ARID1A: variants seen among roughly 807,000 people sequenced by gnomAD.
ARID1A encodes AT-rich interaction domain 1A.
ARID1A carries 20 observed loss-of-function variants against 212.6 expected under a neutral mutation model. The observed-to-expected ratio is 0.09, with a 90% CI of 0.07 to 0.14. ARID1A has a LOEUF of 0.14. Among genes scored for constraint, ARID1A ranks in the 10% least tolerant of loss-of-function variants. ARID1A has a pLI of 1.00. For synonymous variants in ARID1A, 1,376 were observed against 1,222.1 expected, an observed-to-expected ratio of 1.13 and a Z score of -2.63; for missense variants, 2,587 against 3,059.0, an observed-to-expected ratio of 0.85 and a Z score of 3.64.
chr1:26,743,483 G>C (rs141958345), intron 4 of ARID1A, among the ~76,000 whole-genome samples: 1 of 152,008 alleles, frequency 6.6e-6, no homozygotes, highest in African/African-American at 2.4e-5. Flanking sequence ...GGGAGCTGAC[G>C]TTTTGTTGTT....
At chr1:26,720,218 C>T (rs914180261) in intron 1 of ARID1A, among the ~76,000 whole-genome samples, 1 of 151,344 alleles carries the variant, frequency 6.6e-6, no homozygotes, top group African/African-American at 2.4e-5. Context: ...GCACTGCACT[C>T]CAGCCTGGTG....
intron 4 of ARID1A, among the ~76,000 whole-genome samples, chr1:26,759,060 C>T (rs1221182049): frequency 6.7e-6 from 1 of 149,890 alleles, no homozygotes; most frequent in Non-Finnish European, 1.5e-5. Flanking sequence ...CCAGTGTTAA[C>T]TGTCAGATCT....
chr1:26,696,195 C>T lies in ARID1A; in HGVS notation c.-209C>T. 1 of 667,616 alleles carries T rather than the reference C, an allele frequency of 1.5e-6. No homozygotes were observed. The highest frequency in any genetic ancestry group is 2.0e-6 in the Non-Finnish European group (1 of 498,236). 41.4% of individuals were successfully genotyped at this position (667,616 alleles called of 1,614,324 possible). A position where few individuals can be genotyped will look rare whatever the true frequency, so the allele number is the denominator to read the frequency against. On this transcript the variant is annotated 5_prime_UTR_variant, in exon 1 of 20. Coordinates refer to ENST00000324856, the MANE Select transcript of ARID1A (RefSeq NM_006015.6). ...GCCGGCGCCTCGGCCGCCGCCGCCG[C>T]CTCCTCCTCCTCCGCCGCCGCCAGC...
At chr1:26,742,953 G>T (rs1307868058) in intron 4 of ARID1A, among the ~76,000 whole-genome samples, 1 of 152,176 alleles carries the variant, frequency 6.6e-6, no homozygotes, top group Non-Finnish European at 1.5e-5. Context: ...CTATGTGACA[G>T]AGCGAGACTG....
intron 4 of ARID1A, among the ~76,000 whole-genome samples, chr1:26,751,250 G>A (rs902787829): frequency 8.6e-5 from 13 of 151,222 alleles, no homozygotes; most frequent in Non-Finnish European, 1.2e-4. Context: ...GCAAAACTCC[G>A]TCTAAAAAAA....
In ARID1A at chr1:26,697,338, C is replaced by T. The variant is rs1159736980; in HGVS notation, c.935C>T (p.Pro312Leu). The T allele has an allele frequency of 3.8e-6, 5 of 1,331,872 alleles. No homozygotes were observed. The South Asian group carries it at 1.0e-4, about 27-fold the overall frequency. The allele number at this position is 1,331,872 out of a possible 1,614,324, so 82.5% of individuals were successfully genotyped here. Reference sequence around the variant, plus strand: ...TCGGCCCGGGGCTACCAGGGCTACCCCGGGGGCGACTACAGTGGCGGGCCC... The same window carrying T: ...TCGGCCCGGGGCTACCAGGGCTACCTCGGGGGCGACTACAGTGGCGGGCCC... ...PSSARGYQGYPGGDYSGGPQD... is the reference protein window; with the variant it reads ...PSSARGYQGYLGGDYSGGPQD... Residue 312 changes from proline (P) to leucine (L), a missense_variant, in exon 1 of 20, where the codon CCC (proline) becomes CTC (leucine). Coordinates refer to ENST00000324856, the MANE Select transcript of ARID1A (RefSeq NM_006015.6).
chr1:26,709,626 CTTTTTTTTTTTT>C (rs57532083), intron 1 of ARID1A, among the ~76,000 whole-genome samples: 2 of 118,504 alleles, frequency 1.7e-5, no homozygotes, highest in South Asian at 2.9e-4. Context: ...TACTGTAATG[CTTTTTTTTTTTT>C]TTTTTTTTTA....
At chr1:26,772,329 A>G (rs2081089607) in intron 12 of ARID1A, 171 bp from the exon 13 acceptor site, 3 of 930,074 alleles carry the variant, frequency 3.2e-6, no homozygotes, top group South Asian at 3.6e-5. Context: ...AAACCCTCAG[A>G]TTCCCGTCTT....
In ARID1A at chr1:26,696,180, C is replaced by A; in HGVS notation, c.-224C>A. 1.6e-6 allele frequency: 1 copy of A among 614,490 alleles called. No homozygotes were observed. Among genetic ancestry groups the A allele is most frequent in the Non-Finnish European group, 2.2e-6 (1 of 452,142 alleles). 38.1% of individuals were successfully genotyped at this position (614,490 alleles called of 1,614,324 possible). On this transcript the variant is annotated 5_prime_UTR_variant, in exon 1 of 20. Transcript: ENST00000324856. ...GGGAGCAGCTGAGCCGCCGGCGCCT[C>A]GGCCGCCGCCGCCGCCTCCTCCTCC...
intron 1 of ARID1A, among the ~76,000 whole-genome samples, chr1:26,718,267 A>G (rs1327160387): frequency 6.6e-6 from 1 of 152,070 alleles, no homozygotes; most frequent in Non-Finnish European, 1.5e-5. Context: ...GAGCCACCGC[A>G]CCCAGCCGTT....
chr1:26,742,257 G>A (rs1482184523), intron 4 of ARID1A, among the ~76,000 whole-genome samples: 3 of 152,230 alleles, frequency 2.0e-5, no homozygotes, highest in African/African-American at 7.2e-5. Flanking sequence ...AGACATCCCT[G>A]TGATGGAGGC....
chr1:26,705,086 A>G (rs1362136649), intron 1 of ARID1A, among the ~76,000 whole-genome samples: 2 of 151,928 alleles, frequency 1.3e-5, no homozygotes, highest in African/African-American at 2.4e-5. Flanking sequence ...GGCCACTGTA[A>G]TGCTTCTACC....
chr1:26,748,983 T>C (rs2080861862), intron 4 of ARID1A, among the ~76,000 whole-genome samples: 1 of 151,912 alleles, frequency 6.6e-6, no homozygotes, highest in African/African-American at 2.4e-5. Flanking sequence ...GCTAACACGG[T>C]GAAACCTCAT....
rs1433839740 is a variant in ARID1A, at chr1:26,774,494, C to A, written c.4267C>A (p.Pro1423Thr). The stretch of plus-strand genomic sequence containing the variant: ...CCAGCAACAAGCTGCCCAGCCTTCC[C>A]CTCAGCAAGATGTATACAACCAGTA... ...ASQQQAAQPSPQQDVYNQYGN... is the reference protein window; with the variant it reads ...ASQQQAAQPSTQQDVYNQYGN... The change falls in exon 18 of 20, where the codon CCT becomes ACT. Residue 1423 changes from proline (P) to threonine (T), a missense_variant. Pro to Thr is a conservative substitution (Grantham distance 38). Around this residue, in one of 11 missense-constraint regions of ARID1A, gnomAD observed 890 missense variants for 1,098.2 expected, o/e 0.81. Transcript: ENST00000324856. The surrounding 1 kb of genome is among the most constrained non-coding windows in gnomAD (Gnocchi z 5.6). 6.2e-7 allele frequency: 1 copy of A among 1,613,630 alleles called. No homozygotes were observed. Among genetic ancestry groups the A allele is most frequent in the Non-Finnish European group, 8.5e-7 (1 of 1,179,706 alleles).
intron 4 of ARID1A, among the ~76,000 whole-genome samples, chr1:26,747,799 A>G (rs1299177750): frequency 6.6e-6 from 1 of 152,126 alleles, no homozygotes; most frequent in East Asian, 1.9e-4. Flanking sequence ...GCATTGAGCT[A>G]TGCTTGCACG....
At chr1:26,741,275 A>G (rs2080786424) in intron 4 of ARID1A, among the ~76,000 whole-genome samples, 2 of 152,226 alleles carry the variant, frequency 1.3e-5, no homozygotes. Context: ...ACGAAGTCAA[A>G]TTTATATTTC....
At chr1:26,743,388 A>G (rs917715717) in intron 4 of ARID1A, among the ~76,000 whole-genome samples, 3 of 152,044 alleles carry the variant, frequency 2.0e-5, no homozygotes, top group Admixed American at 1.3e-4. Flanking sequence ...TGTATCTGAC[A>G]TCTGTCATGT....
At chr1:26,730,682 G>T (rs1007843909) in intron 2 of ARID1A, among the ~76,000 whole-genome samples, 4 of 151,656 alleles carry the variant, frequency 2.6e-5, no homozygotes, top group African/African-American at 9.7e-5. Context: ...TATTTTTTTT[G>T]AATGAAAACT....
rs2080245746 is a variant in ARID1A at position 26,696,045 on chromosome 1, T to C, written c.-359T>C. 4.2e-6 allele frequency: 3 copies of C among 707,808 alleles called. No homozygotes were observed. Among genetic ancestry groups the C allele is most frequent in the Admixed American group, 6.6e-5 (1 of 15,080 alleles). 43.8% of individuals were successfully genotyped at this position (707,808 alleles called of 1,614,324 possible). ...TTCTCCGGCAGCAGAAAGCGGAGAG[T>C]CACAGCGGGGCCAGGCCCTGGGGAG... is the stretch of plus-strand genomic sequence containing the variant. On this transcript the variant is annotated 5_prime_UTR_variant, in exon 1 of 20. Transcript: ENST00000324856.
Sources: gnomAD v4.1 joint callset for allele counts (sites outside exome capture counted in the v4.1 genomes callset) on GRCh38, gnomAD v4.1.1 for gene constraint, gnomAD v4.1.1 regional missense constraint, Gnocchi (gnomAD v3.1) non-coding constraint, MANE v1.5 for transcripts, NCBI Gene and HGNC (gene_info 2026-07-23, HGNC 2026-07-21) for gene names.